Variants in RBFOX1 observed in about 807,000 individuals in gnomAD.
RBFOX1 encodes RNA binding protein fox-1 homolog 1.
A neutral mutation model predicts 57.7 loss-of-function variants in RBFOX1; 8 were observed. That is an observed-to-expected ratio of 0.14 (90% CI 0.08 to 0.25). The LOEUF is 0.25. Ranked by LOEUF, RBFOX1 falls within the 10% of genes least tolerant of loss-of-function variation. The probability of loss-of-function intolerance (pLI) is 1.00; values close to 1 mark genes in which losing one functional copy is unlikely to be tolerated. For synonymous variants in RBFOX1, 326 were observed against 222.4 expected, an observed-to-expected ratio of 1.47 and a Z score of -4.15; for missense variants, 611 against 548.5, an observed-to-expected ratio of 1.11 and a Z score of -1.14.
At chr16:6,769,117 G>A (rs572549502) in intron 3 of RBFOX1, among the ~76,000 whole-genome samples, 1 of 152,172 alleles carries the variant, frequency 6.6e-6, no homozygotes, top group Non-Finnish European at 1.5e-5. Context: ...TTGTGTGAGG[G>A]ACTGGGTGGG....
At chr16:5,721,542 C>A (rs1246278464) in intron 3 of RBFOX1, among the ~76,000 whole-genome samples, 1 of 152,104 alleles carries the variant, frequency 6.6e-6, no homozygotes, top group East Asian at 1.9e-4. Context: ...TTGTCTTGCC[C>A]CTCATCTTAG....
chr16:5,344,358 T>C (rs1329998859), intron 1 of RBFOX1, among the ~76,000 whole-genome samples: 1 of 152,178 alleles, frequency 6.6e-6, no homozygotes, highest in East Asian at 1.9e-4. Flanking sequence ...TCTCCCTCTG[T>C]TTTGCTTTAA....
At chr16:7,083,688 G>A (rs1004891130) in intron 4 of RBFOX1, among the ~76,000 whole-genome samples, 28 of 152,136 alleles carry the variant, frequency 1.8e-4, no homozygotes, top group African/African-American at 5.5e-4. Flanking sequence ...CAGGCAAAAT[G>A]TTCACTTTCA....
intron 4 of RBFOX1, among the ~76,000 whole-genome samples, chr16:7,175,123 G>T (rs1253799764): frequency 6.6e-6 from 1 of 151,828 alleles, no homozygotes; most frequent in Non-Finnish European, 1.5e-5. Context: ...TTGGTGGTTT[G>T]CTGCACCTAT....
Position 7,454,738 on chromosome 16 carries a change from T to C in RBFOX1, c.28-63409T>C, listed in dbSNP as rs201705583. 1.4e-3 allele frequency among the ~76,000 whole-genome samples: 215 copies of C among 152,348 alleles called. 1 individual carries two copies. Among genetic ancestry groups the C allele is most frequent in the African/African-American group, 5.0e-3 (208 of 41,592 alleles). On this transcript the variant is annotated intron_variant, in intron 4 of 15. Transcript: ENST00000550418. ...CAAGATCCAACCATCTCTCGATGTA[T>C]ACATTTCTACCATGAACATGTGCAA...
At chr16:6,373,415 A>G (rs544786588) in intron 2 of RBFOX1, among the ~76,000 whole-genome samples, 2 of 151,318 alleles carry the variant, frequency 1.3e-5, no homozygotes, top group Non-Finnish European at 1.5e-5. Flanking sequence ...GTTGGGTGCA[A>G]TGGAGATTGG....
chr16:6,731,849 C>T (rs78653280), intron 3 of RBFOX1, among the ~76,000 whole-genome samples: 5,540 of 152,218 alleles, frequency 0.036, 288 homozygotes, highest in Admixed American at 0.12. Context: ...ATCCTTGGCT[C>T]ATTGTCTGCC....
At chr16:7,245,534 C>T (rs1055102881) in intron 4 of RBFOX1, among the ~76,000 whole-genome samples, 8 of 152,102 alleles carry the variant, frequency 5.3e-5, no homozygotes, top group South Asian at 2.1e-4. Context: ...ATTTGCAAAA[C>T]GTATTTTCAT....
At chr16:6,062,105 G>A (rs1243899717) in intron 1 of RBFOX1, among the ~76,000 whole-genome samples, 4 of 152,190 alleles carry the variant, frequency 2.6e-5, no homozygotes, top group Admixed American at 2.0e-4. Flanking sequence ...AGCCAAACGA[G>A]ATGCATGGGG....
At chr16:6,841,241 G>A (rs538812373) in intron 3 of RBFOX1, among the ~76,000 whole-genome samples, 2 of 152,188 alleles carry the variant, frequency 1.3e-5, no homozygotes, top group African/African-American at 4.8e-5. Context: ...CAGTTATCCT[G>A]CCCATTATAC....
At chr16:7,070,967 A>G (rs778695544) in intron 4 of RBFOX1, among the ~76,000 whole-genome samples, 13 of 152,140 alleles carry the variant, frequency 8.5e-5, no homozygotes, top group Non-Finnish European at 1.8e-4. Context: ...AGTGCAAGCA[A>G]TTTTGCCCAG....
intron 2 of RBFOX1, among the ~76,000 whole-genome samples, chr16:5,514,755 G>C (rs2043729065): frequency 6.6e-6 from 1 of 152,114 alleles, no homozygotes; most frequent in Non-Finnish European, 1.5e-5. Context: ...GGAGGAAGGG[G>C]AAGAGGGGGA....
chr16:5,898,331 G>T (rs1032519971), intron 4 of RBFOX1, among the ~76,000 whole-genome samples: 1 of 152,094 alleles, frequency 6.6e-6, no homozygotes, highest in African/African-American at 2.4e-5. Context: ...AACCATGTCA[G>T]GGTATCATAG....
chr16:7,001,810 G>A (rs1210883565), intron 3 of RBFOX1, among the ~76,000 whole-genome samples: 2 of 152,110 alleles, frequency 1.3e-5, no homozygotes, highest in East Asian at 3.9e-4. Flanking sequence ...CAATTTGGGA[G>A]ATTTTGTGAA....
chr16:7,622,787 T>C (rs564413098), intron 10 of RBFOX1, among the ~76,000 whole-genome samples: 1 of 152,172 alleles, frequency 6.6e-6, no homozygotes, highest in Non-Finnish European at 1.5e-5. Flanking sequence ...CAGAGCAACA[T>C]TTTTTCTGCA....
At chr16:5,676,067 C>T (rs564247474) in intron 3 of RBFOX1, among the ~76,000 whole-genome samples, 4 of 152,092 alleles carry the variant, frequency 2.6e-5, no homozygotes, top group Admixed American at 1.3e-4. Flanking sequence ...CGGGAGGGAA[C>T]GTCGCACACC....
intron 4 of RBFOX1, among the ~76,000 whole-genome samples, chr16:5,899,734 C>G (rs552541536): frequency 6.6e-6 from 1 of 152,146 alleles, no homozygotes; most frequent in Non-Finnish European, 1.5e-5. Flanking sequence ...CCCGCCTGGT[C>G]CATCCACAGA....
chr16:5,817,899 C>A (rs1380147668), intron 3 of RBFOX1, among the ~76,000 whole-genome samples: 2 of 151,948 alleles, frequency 1.3e-5, no homozygotes, highest in African/African-American at 2.4e-5. Flanking sequence ...ACCGTGTTAG[C>A]CAGGATGGTC....
At chr16:6,476,153 A>G (rs1296459160) in intron 2 of RBFOX1, among the ~76,000 whole-genome samples, 1 of 152,188 alleles carries the variant, frequency 6.6e-6, no homozygotes, top group Non-Finnish European at 1.5e-5. Context: ...TTATATTTAC[A>G]TCTGTTTGAA....
Sources: allele counts gnomAD v4.1 joint callset (sites outside exome capture counted in the v4.1 genomes callset), GRCh38; gene constraint gnomAD v4.1.1; transcripts MANE v1.5; gene names NCBI Gene and HGNC (gene_info 2026-07-23, HGNC 2026-07-21).